The following SLIT3 variants were observed in gnomAD, a reference collection of about 807,000 sequenced individuals.
The protein encoded by SLIT3 is slit homolog 3 protein.
SLIT3 carries 68 observed loss-of-function variants against 184.0 expected under a neutral mutation model. The observed-to-expected ratio is 0.37, with a 90% CI of 0.30 to 0.45. The LOEUF (loss-of-function observed/expected upper bound fraction) is 0.45. Ranked by LOEUF, SLIT3 falls within the 20% of genes least tolerant of loss-of-function variation. SLIT3 has a pLI of 1.00. For synonymous variants in SLIT3, 831 were observed against 828.6 expected (o/e 1.00, Z -0.05); for missense variants, 1,707 against 2,026.0 (o/e 0.84, Z 3.02).
chr5:169,270,527 G>A (rs906603743), intron 1 of SLIT3, among the ~76,000 whole-genome samples: 2 of 152,188 alleles, frequency 1.3e-5, no homozygotes, highest in Non-Finnish European at 2.9e-5. Context: ...GCACTGATCC[G>A]TTTATACATT....
At chr5:168,851,114 A>G (rs942447429) in intron 5 of SLIT3, among the ~76,000 whole-genome samples, 1 of 152,048 alleles carries the variant, frequency 6.6e-6, no homozygotes, top group African/African-American at 2.4e-5. Flanking sequence ...ATGAGGTCAG[A>G]AGATCGAGAC....
intron 26 of SLIT3, among the ~76,000 whole-genome samples, chr5:168,703,585 C>G (rs1250514352): frequency 1.3e-5 from 2 of 152,042 alleles, no homozygotes; most frequent in Non-Finnish European, 2.9e-5. Context: ...CCATGCCCAC[C>G]ACCCTAGTTC....
At chr5:168,730,163 A>G (rs1301682453) in intron 20 of SLIT3, among the ~76,000 whole-genome samples, 1 of 152,152 alleles carries the variant, frequency 6.6e-6, no homozygotes. Flanking sequence ...GGAACAATTC[A>G]GCAAGAGGAT....
intron 1 of SLIT3, among the ~76,000 whole-genome samples, chr5:169,272,975 C>T (rs1245148276): frequency 6.6e-6 from 1 of 152,214 alleles, no homozygotes; most frequent in African/African-American, 2.4e-5. Flanking sequence ...TGCTCTCAGC[C>T]AGCTCATGGG....
intron 4 of SLIT3, among the ~76,000 whole-genome samples, chr5:168,964,222 C>T (rs948984307): frequency 3.3e-5 from 5 of 152,236 alleles, no homozygotes; most frequent in South Asian, 2.1e-4. Flanking sequence ...TTTAAAAAGT[C>T]ACCCAGTCAT....
chr5:168,870,260 G>GC (rs566501308), intron 5 of SLIT3, among the ~76,000 whole-genome samples: 96 of 152,256 alleles, frequency 6.3e-4, no homozygotes, highest in African/African-American at 2.2e-3. Context: ...ACTGGCTGTT[G>GC]CCCCCAGATG....
At chr5:169,186,699 G>A (rs1381692284) in intron 4 of SLIT3, among the ~76,000 whole-genome samples, 3 of 152,178 alleles carry the variant, frequency 2.0e-5, no homozygotes. Context: ...TGGGCTTGGA[G>A]CATGTATACG....
rs776241142 is a variant in SLIT3 at position 168,666,436 on chromosome 5, A to G, written c.*18T>C. Reference sequence around the variant, plus strand: ...ATCAAGCTGGAGTCCGAGAGGTGGCAGGCAGGCGGGCAGGGGCTTAGGAAC... The same window carrying G: ...ATCAAGCTGGAGTCCGAGAGGTGGCGGGCAGGCGGGCAGGGGCTTAGGAAC... On this transcript the variant is annotated 3_prime_UTR_variant, in exon 36 of 36. Coordinates refer to ENST00000519560, the MANE Select transcript of SLIT3 (RefSeq NM_003062.4). 3 of 1,532,580 alleles carry G rather than the reference A, an allele frequency of 2.0e-6. No individual in the cohort carries two copies. The highest frequency in any genetic ancestry group is 1.9e-5 in the Admixed American group (1 of 51,876). The allele number at this position is 1,532,580 out of a possible 1,614,324, so 94.9% of individuals were successfully genotyped here.
intron 4 of SLIT3, among the ~76,000 whole-genome samples, chr5:169,164,412 T>C (rs919655409): frequency 2.0e-5 from 3 of 152,220 alleles, no homozygotes; most frequent in African/African-American, 7.2e-5. Context: ...TTTACTCAAC[T>C]GTTTTAAGTA....
chr5:169,017,968 C>T (rs552959833), intron 4 of SLIT3: 8 of 152,146 alleles, frequency 5.3e-5, no homozygotes, highest in African/African-American at 1.2e-4. Context: ...CTCTTGCTGA[C>T]GAGGTTATGG....
intron 4 of SLIT3, among the ~76,000 whole-genome samples, chr5:169,081,426 C>T (rs931724982): frequency 3.3e-5 from 5 of 152,116 alleles, no homozygotes; most frequent in Admixed American, 6.5e-5. Context: ...GTAAACCTGC[C>T]ATGCCCTGGG....
intron 4 of SLIT3, among the ~76,000 whole-genome samples, chr5:169,053,420 C>T (rs138041447): frequency 1.7e-3 from 260 of 152,148 alleles, no homozygotes; most frequent in South Asian, 0.012. Flanking sequence ...TTTTGTTTTG[C>T]CATTTCTTCC....
intron 4 of SLIT3, among the ~76,000 whole-genome samples, chr5:169,029,808 T>A (rs1756956890): frequency 6.6e-6 from 1 of 152,130 alleles, no homozygotes. Flanking sequence ...TGGAGAGGAA[T>A]ACACAATTCC....
chr5:168,817,620 A>G (rs923156967), intron 7 of SLIT3, among the ~76,000 whole-genome samples, 157 bp from the exon 8 acceptor site: 2 of 152,200 alleles, frequency 1.3e-5, no homozygotes, highest in Admixed American at 6.5e-5. Flanking sequence ...TACCAAAAAC[A>G]TGGGAGCCCC....
At chr5:169,047,304 T>C (rs1269364196) in intron 4 of SLIT3, among the ~76,000 whole-genome samples, 1 of 152,164 alleles carries the variant, frequency 6.6e-6, no homozygotes, top group Non-Finnish European at 1.5e-5. Context: ...ATATTCATTT[T>C]CCCCTTGACC....
intron 4 of SLIT3, among the ~76,000 whole-genome samples, chr5:168,982,734 G>T (rs1754992718): frequency 6.6e-6 from 1 of 152,124 alleles, no homozygotes; most frequent in Non-Finnish European, 1.5e-5. Flanking sequence ...AATCAAGAGT[G>T]GACTAGAGCT....
intron 4 of SLIT3, among the ~76,000 whole-genome samples, chr5:168,978,780 G>A (rs1754851190): frequency 6.6e-6 from 1 of 152,192 alleles, no homozygotes; most frequent in Non-Finnish European, 1.5e-5. Flanking sequence ...ATTAGTCTCT[G>A]TTAAGTAAAT....
At chr5:169,039,046 G>A (rs1026408374) in intron 4 of SLIT3, among the ~76,000 whole-genome samples, 1 of 151,682 alleles carries the variant, frequency 6.6e-6, no homozygotes, top group African/African-American at 2.4e-5. Context: ...ACATCCCTCA[G>A]TCATCTTTTT....
chr5:168,714,861 C>G (rs1177107342), intron 23 of SLIT3, among the ~76,000 whole-genome samples: 1 of 152,222 alleles, frequency 6.6e-6, no homozygotes, highest in Non-Finnish European at 1.5e-5. Context: ...AACTCCTCCT[C>G]TTTGCCTAAC....
Sources: gnomAD v4.1 joint callset for allele counts (sites outside exome capture counted in the v4.1 genomes callset) on GRCh38, gnomAD v4.1.1 for gene constraint, MANE v1.5 for transcripts, NCBI Gene and HGNC (gene_info 2026-07-23, HGNC 2026-07-21) for gene names.